The following EPAS1 variants were observed in gnomAD, a reference collection of about 807,000 sequenced individuals.
The protein encoded by EPAS1 is endothelial PAS domain-containing protein 1.
EPAS1 carries 23 observed loss-of-function variants against 87.9 expected under a neutral mutation model. The observed-to-expected ratio is 0.26, with a 90% CI of 0.19 to 0.37. EPAS1 has a LOEUF of 0.37. Among genes scored for constraint, EPAS1 ranks in the 10% least tolerant of loss-of-function variants. EPAS1 has a pLI of 1.00. For synonymous variants in EPAS1, 508 were observed against 444.3 expected (o/e 1.14, Z -1.80); for missense variants, 1,138 against 1,120.7 (o/e 1.02, Z -0.22).
At position 46,382,617 on chromosome 2, in the gene EPAS1, T is replaced by C. The variant is rs754880132; in HGVS notation, c.2461+19T>C. ...GTGTCAGGTGGGTGTGCCCAGGATC[T>C]GTCACCCCCATCCCAGGATTCGATG... On this transcript the variant is annotated intron_variant, in intron 15 of 15. Coordinates refer to ENST00000263734, the MANE Select transcript of EPAS1 (RefSeq NM_001430.5). 1.9e-6 allele frequency: 3 copies of C among 1,613,928 alleles called. No homozygotes were observed. In the East Asian group the frequency reaches 6.7e-5, roughly 36 times the overall value.
intron 1 of EPAS1, among the ~76,000 whole-genome samples, chr2:46,316,540 C>A (rs143648333): frequency 6.6e-6 from 1 of 152,240 alleles, no homozygotes; most frequent in Non-Finnish European, 1.5e-5. Flanking sequence ...GGATTACAGG[C>A]ATGAGCCACC....
At chr2:46,379,295 G>A (rs1307311191) in intron 11 of EPAS1, among the ~76,000 whole-genome samples, 3 of 152,212 alleles carry the variant, frequency 2.0e-5, no homozygotes, top group Admixed American at 2.0e-4. Context: ...GGATAAGGTA[G>A]AGGGAGGGGT....
At chr2:46,307,730 C>G (rs1038114314) in intron 1 of EPAS1, among the ~76,000 whole-genome samples, 1 of 152,138 alleles carries the variant, frequency 6.6e-6, no homozygotes, top group African/African-American at 2.4e-5. Context: ...ATTTCCCTGC[C>G]GACTGACTGG....
chr2:46,335,712 T>G (rs1572626627), intron 1 of EPAS1: 1 of 150,748 alleles, frequency 6.6e-6, no homozygotes, highest in Admixed American at 6.6e-5. Flanking sequence ...CACCCCCACC[T>G]TAAGAGGAGC....
chr2:46,299,320 C>T (rs1170475186), intron 1 of EPAS1, among the ~76,000 whole-genome samples: 2 of 152,194 alleles, frequency 1.3e-5, no homozygotes, highest in Non-Finnish European at 2.9e-5. Flanking sequence ...TTGGGCCCTG[C>T]TCCCCTTTCC....
rs758413094 is a variant in EPAS1, at chr2:46,380,755, A to C, written c.2045+38A>C. 1 of 1,601,236 alleles carries C rather than the reference A, an allele frequency of 6.2e-7. No individual in the cohort carries two copies. Among genetic ancestry groups the C allele is most frequent in the African/African-American group, 1.3e-5 (1 of 74,908 alleles). On this transcript the variant is annotated intron_variant, in intron 12 of 15. Coordinates refer to ENST00000263734, the MANE Select transcript of EPAS1 (RefSeq NM_001430.5). The surrounding 1 kb of genome is among the most constrained non-coding windows in gnomAD (Gnocchi z 4.4). ...TACTCAGCTGTACCAGCAGGGCCGAACCGAGAGGCACCCACTAGTAAGATA... is the reference window on the plus strand; with the variant it reads ...TACTCAGCTGTACCAGCAGGGCCGACCCGAGAGGCACCCACTAGTAAGATA...
chr2:46,302,263 T>G (rs1042544255), intron 1 of EPAS1, among the ~76,000 whole-genome samples: 7 of 152,060 alleles, frequency 4.6e-5, no homozygotes, highest in Admixed American at 4.6e-4. Context: ...CTCCAGGATT[T>G]TAGGCTCCTA....
chr2:46,343,621 C>G (rs1220606665), intron 1 of EPAS1, among the ~76,000 whole-genome samples: 1 of 152,194 alleles, frequency 6.6e-6, no homozygotes, highest in Non-Finnish European at 1.5e-5. Flanking sequence ...GAAGTGCTTT[C>G]TGTAAAGGCA....
In EPAS1 at chr2:46,308,341, A is replaced by T. The variant is rs576477727; in HGVS notation, c.26+10404A>T. The stretch of plus-strand genomic sequence containing the variant: ...GTTGTTTGCCAAAGAGCCTGCTTAT[A>T]TTTCCTTGTTATCTAATGACACTTT... On this transcript the variant is annotated intron_variant, in intron 1 of 15. Coordinates refer to ENST00000263734, the MANE Select transcript of EPAS1 (RefSeq NM_001430.5). 1.1e-4 allele frequency among the ~76,000 whole-genome samples: 16 copies of T among 151,126 alleles called. No homozygotes were observed. In the South Asian group the frequency reaches 2.3e-3, roughly 22 times the overall value.
intron 1 of EPAS1, among the ~76,000 whole-genome samples, chr2:46,306,675 A>G (rs951584001): frequency 6.6e-6 from 1 of 152,134 alleles, no homozygotes; most frequent in Non-Finnish European, 1.5e-5. Context: ...ACACATAAAA[A>G]CTCGGTTACT....
intron 12 of EPAS1, chr2:46,381,106 C>G: frequency 5.7e-6 from 2 of 351,722 alleles, no homozygotes; most frequent in Non-Finnish European, 1.1e-5. Context: ...TGGCTGCCCC[C>G]GGGTCCTCGC....
At chr2:46,338,265 T>C (rs939977923) in intron 1 of EPAS1, among the ~76,000 whole-genome samples, 12 of 152,282 alleles carry the variant, frequency 7.9e-5, no homozygotes, top group Admixed American at 4.6e-4. Context: ...CTCTGCAAGA[T>C]TGATTCAGGA....
Position 46,384,727 on chromosome 2 carries a change from T to G in EPAS1, c.*67T>G. 1 of 1,576,974 alleles carries G rather than the reference T, an allele frequency of 6.3e-7. No homozygotes were observed. The highest frequency in any genetic ancestry group is 8.6e-7 in the Non-Finnish European group (1 of 1,162,310). On this transcript the variant is annotated 3_prime_UTR_variant, in exon 16 of 16. Transcript: ENST00000263734. ...CCACCAGCTTCACTCTCTCCGTCTG[T>G]TTTTGCAACTAGGTATTTCTAACGC...
chr2:46,359,562 A>G (rs1684347002), intron 4 of EPAS1, among the ~76,000 whole-genome samples: 1 of 152,214 alleles, frequency 6.6e-6, no homozygotes, highest in Non-Finnish European at 1.5e-5. Flanking sequence ...TTCACTATTC[A>G]GTCTGTTACT....
At chr2:46,306,174 C>A (rs1683106084) in intron 1 of EPAS1, among the ~76,000 whole-genome samples, 2 of 152,132 alleles carry the variant, frequency 1.3e-5, no homozygotes, top group African/African-American at 4.8e-5. Context: ...TCTACCCAGA[C>A]AGTATTTATC....
At chr2:46,338,715 A>C (rs1388338885) in intron 1 of EPAS1, among the ~76,000 whole-genome samples, 1 of 152,194 alleles carries the variant, frequency 6.6e-6, no homozygotes, top group African/African-American at 2.4e-5. Flanking sequence ...TGACCTGCGT[A>C]TGCATGAGGA....
At chr2:46,326,481 T>C (rs563200959) in intron 1 of EPAS1, among the ~76,000 whole-genome samples, 2 of 152,232 alleles carry the variant, frequency 1.3e-5, no homozygotes, top group African/African-American at 2.4e-5. Flanking sequence ...TGGGCAACAT[T>C]TGGTCAGGGT....
At chr2:46,349,526 C>G (rs1684104989) in intron 2 of EPAS1, among the ~76,000 whole-genome samples, 1 of 152,242 alleles carries the variant, frequency 6.6e-6, no homozygotes, top group Admixed American at 6.5e-5. Context: ...TGCCCTCTGG[C>G]TGGGCTCGGC....
chr2:46,314,908 T>G (rs1003751882), intron 1 of EPAS1, among the ~76,000 whole-genome samples: 1 of 152,134 alleles, frequency 6.6e-6, no homozygotes, highest in Non-Finnish European at 1.5e-5. Context: ...GCCCAGTGGT[T>G]TCTACAAAAA....
Sources: allele counts gnomAD v4.1 joint callset (sites outside exome capture counted in the v4.1 genomes callset), GRCh38; gene constraint gnomAD v4.1.1; non-coding constraint Gnocchi (gnomAD v3.1); transcripts MANE v1.5; gene names NCBI Gene and HGNC (gene_info 2026-07-23, HGNC 2026-07-21).